The following PEAK1 variants were observed in gnomAD, a reference collection of about 807,000 sequenced individuals.
The protein encoded by PEAK1 is pseudopodium enriched atypical kinase 1.
A neutral mutation model predicts 124.7 loss-of-function variants in PEAK1; 54 were observed. The ratio of observed to expected loss-of-function variants is 0.43; its 90% CI spans 0.35 to 0.54. The LOEUF (loss-of-function observed/expected upper bound fraction) is 0.54, where lower values mean the gene tolerates loss of function less well. Ranked by LOEUF, PEAK1 falls within the 20% of genes least tolerant of loss-of-function variation. The probability of loss-of-function intolerance (pLI) is 0.01; values close to 1 mark genes in which losing one functional copy is unlikely to be tolerated. For synonymous variants in PEAK1, 719 were observed against 760.0 expected, an observed-to-expected ratio of 0.95 and a Z score of 0.89; for missense variants, 2,046 against 2,134.5, an observed-to-expected ratio of 0.96 and a Z score of 0.82.
intron 6 of PEAK1, among the ~76,000 whole-genome samples, chr15:77,213,638 G>C (rs1457238210): frequency 6.6e-6 from 1 of 152,004 alleles, no homozygotes; most frequent in African/African-American, 2.4e-5. Context: ...GCAGTGAGCC[G>C]AGATCGCATC....
At chr15:77,178,547 T>C in intron 7 of PEAK1, 1 of 496,144 alleles carries the variant, frequency 2.0e-6, no homozygotes, top group Non-Finnish European at 3.5e-6. Flanking sequence ...AAAGTTCCTC[T>C]GCATTCACCA....
At chr15:77,246,631 C>T (rs1441338078) in intron 6 of PEAK1, among the ~76,000 whole-genome samples, 2 of 152,102 alleles carry the variant, frequency 1.3e-5, no homozygotes, top group Non-Finnish European at 2.9e-5. Flanking sequence ...ACAGATGTTG[C>T]ACATTTAAAA....
In PEAK1 at chr15:77,178,632, T is replaced by G. The variant is rs925876165; in HGVS notation, c.3137+158A>C. Reference sequence around the variant, plus strand: ...CAGTGCAGTAAGATCACTTTAATACTATTCTAATCTTGGAATGCAGTTATA... The same window carrying G: ...CAGTGCAGTAAGATCACTTTAATACGATTCTAATCTTGGAATGCAGTTATA... On this transcript the variant is annotated intron_variant, in intron 7 of 9. Transcript: ENST00000682557. 8.0e-6 allele frequency: 6 copies of G among 749,420 alleles called. No homozygotes were observed. The African/African-American group carries it at 1.1e-4, about 13-fold the overall frequency. The allele number at this position is 749,420 out of a possible 1,614,324, so 46.4% of individuals were successfully genotyped here. A position where few individuals can be genotyped will look rare whatever the true frequency, so the allele number is the denominator to read the frequency against.
At chr15:77,243,718 C>T (rs998637431) in intron 6 of PEAK1, among the ~76,000 whole-genome samples, 2 of 152,092 alleles carry the variant, frequency 1.3e-5, no homozygotes, top group Non-Finnish European at 2.9e-5. Flanking sequence ...GCCTGTAATC[C>T]CAGCACTTTG....
chr15:77,320,369 T>C (rs553349298), intron 2 of PEAK1, among the ~76,000 whole-genome samples: 1 of 152,298 alleles, frequency 6.6e-6, no homozygotes, highest in South Asian at 2.1e-4. Context: ...TTTATATCCC[T>C]AGTGCTGATC....
At chr15:77,351,706 A>T in intron 2 of PEAK1, 1 of 980,902 alleles carries the variant, frequency 1.0e-6, no homozygotes, top group Non-Finnish European at 1.2e-6. Flanking sequence ...AGGTGCCAAG[A>T]ACCTGGACAC....
chr15:77,372,865 C>CTCT (rs2068742059), intron 1 of PEAK1, among the ~76,000 whole-genome samples: 1 of 150,152 alleles, frequency 6.7e-6, no homozygotes, highest in Admixed American at 6.6e-5. Flanking sequence ...GCACCTTCCT[C>CTCT]CTCTCTCTCT....
chr15:77,332,531 C>T (rs1219162537), intron 2 of PEAK1, among the ~76,000 whole-genome samples: 1 of 151,772 alleles, frequency 6.6e-6, no homozygotes, highest in African/African-American at 2.4e-5. Flanking sequence ...ACCCGGGAGG[C>T]GGAGGTTGCA....
At chr15:77,173,893 A>G (rs1360235956) in intron 7 of PEAK1, among the ~76,000 whole-genome samples, 2 of 152,176 alleles carry the variant, frequency 1.3e-5, no homozygotes, top group African/African-American at 2.4e-5. Context: ...CTCTGAACAC[A>G]TTGTTTTAGC....
intron 5 of PEAK1, among the ~76,000 whole-genome samples, chr15:77,270,775 T>A (rs2061986629): frequency 6.6e-6 from 1 of 152,162 alleles, no homozygotes; most frequent in Non-Finnish European, 1.5e-5. Flanking sequence ...AGTATGGCCA[T>A]TTTCACAATA....
At chr15:77,237,177 T>C (rs934097719) in intron 6 of PEAK1, among the ~76,000 whole-genome samples, 1 of 152,234 alleles carries the variant, frequency 6.6e-6, no homozygotes, top group Non-Finnish European at 1.5e-5. Context: ...TAGTTACTTT[T>C]GGATAAATGT....
At chr15:77,368,450 G>A (rs1441256067) in intron 1 of PEAK1, among the ~76,000 whole-genome samples, 14 of 151,566 alleles carry the variant, frequency 9.2e-5, no homozygotes, top group African/African-American at 3.4e-4. Flanking sequence ...CCCAGGAGGC[G>A]GAGGTTATAG....
At chr15:77,416,538 A>C (rs958028079) in intron 1 of PEAK1, among the ~76,000 whole-genome samples, 31 of 152,160 alleles carry the variant, frequency 2.0e-4, no homozygotes, top group African/African-American at 7.2e-4. Context: ...ATCTGATTCT[A>C]CCACAGCATA....
chr15:77,167,505 A>G (rs1293961406), intron 7 of PEAK1, among the ~76,000 whole-genome samples: 2 of 152,252 alleles, frequency 1.3e-5, no homozygotes, highest in African/African-American at 4.8e-5. Flanking sequence ...TAACTTTAGG[A>G]AAAATGTGTC....
intron 2 of PEAK1, chr15:77,334,023 G>T: frequency 1.8e-6 from 1 of 553,732 alleles, no homozygotes; most frequent in Non-Finnish European, 2.3e-6. Context: ...ACTGAGTCCT[G>T]CTTATTAGAA....
intron 9 of PEAK1, among the ~76,000 whole-genome samples, chr15:77,125,390 T>C (rs2052286479): frequency 1.3e-5 from 2 of 152,144 alleles, no homozygotes. Context: ...TCTTTAAGAA[T>C]ACATAGGAGC....
intron 6 of PEAK1, among the ~76,000 whole-genome samples, chr15:77,194,868 G>A (rs2058027769): frequency 1.3e-5 from 2 of 152,096 alleles, no homozygotes; most frequent in Non-Finnish European, 2.9e-5. Flanking sequence ...TTTTCCATGT[G>A]GGCAAATAGC....
chr15:77,143,700 T>A (rs147944142), intron 8 of PEAK1, among the ~76,000 whole-genome samples: 1 of 152,272 alleles, frequency 6.6e-6, no homozygotes, highest in South Asian at 2.1e-4. Flanking sequence ...CTAGGGAATA[T>A]TTCTTACTCC....
At chr15:77,357,741 A>G (rs2067612281) in intron 2 of PEAK1, among the ~76,000 whole-genome samples, 1 of 152,216 alleles carries the variant, frequency 6.6e-6, no homozygotes, top group Admixed American at 6.5e-5. Context: ...GAAAGATTTA[A>G]TTTTGTACAT....
Sources: allele counts gnomAD v4.1 joint callset (sites outside exome capture counted in the v4.1 genomes callset), GRCh38; gene constraint gnomAD v4.1.1; transcripts MANE v1.5; gene names NCBI Gene and HGNC (gene_info 2026-07-23, HGNC 2026-07-21).